The following MTF1 variants were observed in gnomAD, a reference collection of about 807,000 sequenced individuals.
MTF1 encodes the protein metal regulatory transcription factor 1.
In MTF1, 22 loss-of-function variants were observed where a neutral mutation model predicts 70.4. The ratio of observed to expected loss-of-function variants is 0.31; its 90% CI spans 0.22 to 0.45. The LOEUF (loss-of-function observed/expected upper bound fraction) is 0.45, where lower values mean the gene tolerates loss of function less well. Ranked by LOEUF, MTF1 falls within the 20% of genes least tolerant of loss-of-function variation. The pLI is 1.00. For missense variants in MTF1, 649 were observed against 922.0 expected (o/e 0.70, Z 3.83); for synonymous variants, 333 against 352.8 (o/e 0.94, Z 0.63).
chr1:37,841,302 A>C (rs1641252061), intron 2 of MTF1: 1 of 153,800 alleles, frequency 6.5e-6, no homozygotes, highest in African/African-American at 2.4e-5. Flanking sequence ...TGGAGAGGCC[A>C]CTAGGGGAAC....
chr1:37,815,168 C>T lies in MTF1; in HGVS notation c.2230G>A (p.Glu744Lys), dbSNP rs755828123. Residue 744 changes from glutamate to lysine, a missense_variant, in exon 11 of 11, where the codon GAG becomes AAG. This residue lies in a region of MTF1 where 138 missense variants were observed against 134.4 expected (regional missense o/e 1.03). Transcript: ENST00000373036. The surrounding 1 kb of genome is among the most constrained non-coding windows in gnomAD (Gnocchi z 4.5). ...PIEALLQGEEEMGLTSSFSK is the reference protein window; with the variant it reads ...PIEALLQGEEKMGLTSSFSK Reference sequence around the variant, plus strand: ...GAGAAGCTGCTGGTGAGGCCCATCTCCTCCTCCCCCTGCAGTAGTGCTTCA... The same window carrying T: ...GAGAAGCTGCTGGTGAGGCCCATCTTCTCCTCCCCCTGCAGTAGTGCTTCA... 1 of 1,614,142 alleles carries T rather than the reference C, an allele frequency of 6.2e-7. No individual in the cohort carries two copies. The highest frequency in any genetic ancestry group is 1.7e-4 in the Middle Eastern group (1 of 6,060).
chr1:37,840,631 C>A lies in MTF1; in HGVS notation c.409-473G>T. 2.6e-6 allele frequency: 1 copy of A among 379,024 alleles called. No individual in the cohort carries two copies. The highest frequency in any genetic ancestry group is 5.2e-6 in the Non-Finnish European group (1 of 192,144). 23.5% of individuals were successfully genotyped at this position (379,024 alleles called of 1,614,324 possible). A position where few individuals can be genotyped will look rare whatever the true frequency, so the allele number is the denominator to read the frequency against. On this transcript the variant is annotated intron_variant, in intron 2 of 10. Coordinates refer to ENST00000373036, the MANE Select transcript of MTF1 (RefSeq NM_005955.3). The surrounding 1 kb of genome is among the most constrained non-coding windows in gnomAD (Gnocchi z 4.5). ...ATATTTCCCTAGATTGTTTCCACTG[C>A]ATATTTTCAAGCCTACAAAATGACA...
At chr1:37,843,876 TCCATCCAACCC>T (rs151010841) in intron 2 of MTF1, among the ~76,000 whole-genome samples, 83,610 of 124,468 alleles carry the variant, frequency 0.67, 25,440 homozygotes, top group Non-Finnish European at 0.74. Flanking sequence ...CCCTCCCCCA[TCCATCCAACCC>T]CCATCTGATC....
chr1:37,826,496 G>A (rs1053718057), intron 7 of MTF1: 7 of 434,962 alleles, frequency 1.6e-5, no homozygotes, highest in African/African-American at 4.2e-5. Context: ...ACGTTGCCTA[G>A]CCTGGTCTTG....
chr1:37,853,878 A>G (rs1013548421), intron 2 of MTF1, among the ~76,000 whole-genome samples: 3 of 152,222 alleles, frequency 2.0e-5, no homozygotes, highest in African/African-American at 7.2e-5. Flanking sequence ...CGACTACCAC[A>G]ATCATTTGCA....
chr1:37,819,717 C>T (rs1042481509), intron 9 of MTF1, among the ~76,000 whole-genome samples: 3 of 151,704 alleles, frequency 2.0e-5, no homozygotes, highest in Non-Finnish European at 2.9e-5. Flanking sequence ...TTTGGGAGGC[C>T]GAGGTGGGCG....
intron 7 of MTF1, among the ~76,000 whole-genome samples, chr1:37,825,198 G>A (rs912558417): frequency 1.3e-5 from 2 of 152,168 alleles, no homozygotes; most frequent in African/African-American, 4.8e-5. Context: ...ATGGGAATAT[G>A]CAGGCCAGGG....
chr1:37,838,652 C>T lies in MTF1; in HGVS notation c.752G>A (p.Arg251Gln), dbSNP rs779682329. The T allele has an allele frequency of 1.9e-6, 3 of 1,612,696 alleles. No individual in the cohort carries two copies. The highest frequency in any genetic ancestry group is 2.5e-6 in the Non-Finnish European group (3 of 1,179,042). The stretch of plus-strand genomic sequence containing the variant: ...AAATGGCTTTTCCCCTGTATGAGTT[C>T]GAATGTGCTTCCTCAGATCACTGAG... Reference protein sequence around the residue: ...TTLSDLRKHIRTHTGEKPFRC... With the variant: ...TTLSDLRKHIQTHTGEKPFRC... Residue 251 changes from arginine (R) to glutamine (Q), a missense_variant, in exon 4 of 11, where the codon CGA becomes CAA. Around this residue, in one of 7 missense-constraint regions of MTF1, gnomAD observed 118 missense variants for 287.2 expected, o/e 0.41. Transcript: ENST00000373036.
rs376682432 is a variant in MTF1 at position 37,832,266 on chromosome 1, T to C, written c.1047A>G (p.Glu349=). ...SDLSLLSTDS[E]LRENSSTTQG... ...TTACCGTACTGGAATTTTCTCGCAA[T>C]TCAGAATCTGTGGACAGAAGGCTCA... Residue 349 remains glutamate (E), a synonymous_variant, in exon 7 of 11, where the codon GAA becomes GAG. Transcript: ENST00000373036. The C allele has an allele frequency of 7.4e-6, 12 of 1,613,126 alleles. No individual in the cohort carries two copies. Among genetic ancestry groups the C allele is most frequent in the Non-Finnish European group, 1.0e-5 (12 of 1,179,248 alleles).
chr1:37,848,479 T>C lies in MTF1; in HGVS notation c.409-8321A>G, dbSNP rs530695394. Among the ~76,000 whole-genome samples the C allele has an allele frequency of 6.6e-5, 10 of 152,278 alleles. No homozygotes were observed. The South Asian group carries it at 2.1e-3, about 32-fold the overall frequency. On this transcript the variant is annotated intron_variant, in intron 2 of 10. Transcript: ENST00000373036. ...GAAACAAGTAAGCCTGATTTAAATA[T>C]GAGGAGAAAAAAATAAAATTCAGGT...
In MTF1 at chr1:37,822,376, C is replaced by T; in HGVS notation, c.1512G>A (p.Gly504=). ...PIVPGLSVVA[G]ASASAAAVAS... ...CCACTGCCGCTGCTGATGCAGAAGC[C>T]CCAGCAACAACAGAAAGTCCTGGTA... The change falls in exon 9 of 11, where the codon GGG becomes GGA. Residue 504 remains glycine, a synonymous_variant. Coordinates refer to ENST00000373036, the MANE Select transcript of MTF1 (RefSeq NM_005955.3). 1 of 1,613,774 alleles carries T rather than the reference C, an allele frequency of 6.2e-7. No homozygotes were observed. The highest frequency in any genetic ancestry group is 8.5e-7 in the Non-Finnish European group (1 of 1,179,780).
chr1:37,841,838 G>T (rs974100119), intron 2 of MTF1, among the ~76,000 whole-genome samples: 1 of 152,096 alleles, frequency 6.6e-6, no homozygotes, highest in South Asian at 2.1e-4. Flanking sequence ...GAGACAACCT[G>T]GGCAACACAG....
intron 2 of MTF1, among the ~76,000 whole-genome samples, chr1:37,844,411 C>T (rs1461780174): frequency 6.6e-6 from 1 of 152,246 alleles, no homozygotes; most frequent in Non-Finnish European, 1.5e-5. Flanking sequence ...TCCATGTCTA[C>T]ATGACAGTGC....
Position 37,835,234 on chromosome 1 carries a change from A to G in MTF1, c.854-19T>C. The G allele has an allele frequency of 6.2e-7, 1 of 1,608,948 alleles. No homozygotes were observed. The highest frequency in any genetic ancestry group is 8.5e-7 in the Non-Finnish European group (1 of 1,175,486). The stretch of plus-strand genomic sequence containing the variant: ...CTTTCACCTGCAAGAATAACAAAGT[A>G]GTGTTAATTTACCATAAAGTCATTT... On this transcript the variant is annotated intron_variant, in intron 5 of 10. Transcript: ENST00000373036.
intron 3 of MTF1, 41 bp from the exon 4 acceptor site, chr1:37,838,797 C>CT (rs746478428): frequency 0.13 from 62,326 of 467,546 alleles, 1,053 homozygotes; most frequent in Non-Finnish European, 0.14. Flanking sequence ...TCATAAAATT[C>CT]TTTTTTTTTT....
chr1:37,837,364 T>C (rs1244552297), intron 4 of MTF1, among the ~76,000 whole-genome samples: 1 of 152,196 alleles, frequency 6.6e-6, no homozygotes, highest in Non-Finnish European at 1.5e-5. Context: ...TTCCATTTGA[T>C]TGGCATCTAA....
chr1:37,842,740 G>A (rs1306418654), intron 2 of MTF1, among the ~76,000 whole-genome samples: 1 of 151,692 alleles, frequency 6.6e-6, no homozygotes, highest in Non-Finnish European at 1.5e-5. Context: ...TTTTGTTTGA[G>A]ACAGAGAAAC....
intron 2 of MTF1, among the ~76,000 whole-genome samples, chr1:37,851,067 C>T (rs752170544): frequency 3.3e-5 from 5 of 152,088 alleles, no homozygotes; most frequent in Non-Finnish European, 7.4e-5. Flanking sequence ...GATTTTAATG[C>T]CAAAATAAAA....
intron 9 of MTF1, among the ~76,000 whole-genome samples, chr1:37,820,453 C>A (rs750938107): frequency 6.6e-6 from 1 of 152,232 alleles, no homozygotes; most frequent in Non-Finnish European, 1.5e-5. Context: ...GCTCTGTGAA[C>A]TTCAGCCAGT....
Sources: gnomAD v4.1 joint callset for allele counts (sites outside exome capture counted in the v4.1 genomes callset) on GRCh38, gnomAD v4.1.1 for gene constraint, gnomAD v4.1.1 regional missense constraint, Gnocchi (gnomAD v3.1) non-coding constraint, MANE v1.5 for transcripts, NCBI Gene and HGNC (gene_info 2026-07-23, HGNC 2026-07-21) for gene names.